ANKHD1: variants seen among roughly 807,000 people sequenced by gnomAD.
The protein encoded by ANKHD1 is ankyrin repeat and KH domain containing 1.
Under a neutral mutation model 230.5 loss-of-function variants are expected in ANKHD1, and 31 were observed. The observed-to-expected ratio is 0.13, with a 90% CI of 0.10 to 0.18. The LOEUF (loss-of-function observed/expected upper bound fraction) is 0.18. Among genes scored for constraint, ANKHD1 ranks in the 10% least tolerant of loss-of-function variants. The pLI, the probability that ANKHD1 is intolerant of heterozygous loss-of-function variation, is 1.00. For missense variants in ANKHD1, 2,256 were observed against 3,071.3 expected (o/e 0.73, Z 6.27); for synonymous variants, 1,074 against 1,117.6 (o/e 0.96, Z 0.78).
Position 140,443,454 on chromosome 5 carries a change from G to A in ANKHD1, c.914-2288G>A, listed in dbSNP as rs527556744. Among the ~76,000 whole-genome samples the A allele has an allele frequency of 5.4e-3, 816 of 151,940 alleles. 5 individuals are homozygous for A. Among genetic ancestry groups the A allele is most frequent in the African/African-American group, 0.019 (775 of 41,500 alleles). On this transcript the variant is annotated intron_variant, in intron 5 of 33. Transcript: ENST00000360839. ...GCCTGTAATCCCAGCACTTTGGGAG[G>A]CTGAGGTGGGAGGATCACGAGGTCA...
At chr5:140,491,156 ATATAT>A (rs1751775286) in intron 14 of ANKHD1, among the ~76,000 whole-genome samples, 3 of 94,916 alleles carry the variant, frequency 3.2e-5, no homozygotes, top group African/African-American at 1.3e-4. Context: ...ATATATATAT[ATATAT>A]TTTTTTTTTT....
At position 140,402,174 on chromosome 5, in the gene ANKHD1, C is replaced by T. The variant is rs774918744; in HGVS notation, c.207C>T (p.Gly69=). ...SGGGGSGSGT[G]GGDAALDFKL... The stretch of plus-strand genomic sequence containing the variant: ...GCGGCGGCAGCGGCAGCGGTACGGG[C>T]GGAGGGGACGCGGCGCTGGATTTCA... Residue 69 remains glycine (G), a synonymous_variant, in exon 1 of 34, where the codon GGC becomes GGT. Coordinates refer to ENST00000360839, the MANE Select transcript of ANKHD1 (RefSeq NM_017747.3). The T allele has an allele frequency of 2.6e-5, 39 of 1,524,712 alleles. No individual in the cohort carries two copies. Among genetic ancestry groups the T allele is most frequent in the African/African-American group, 1.4e-5 (1 of 71,084 alleles). The allele number at this position is 1,524,712 out of a possible 1,614,324, so 94.4% of individuals were successfully genotyped here.
At chr5:140,407,511 CCTA>C (rs1293262034) in intron 1 of ANKHD1, among the ~76,000 whole-genome samples, 2 of 151,386 alleles carry the variant, frequency 1.3e-5, no homozygotes, top group Non-Finnish European at 2.9e-5. Context: ...CTCAAGCAAT[CCTA>C]CTGCCTCAGC....
At chr5:140,433,453 T>C (rs1250834287) in intron 1 of ANKHD1, among the ~76,000 whole-genome samples, 2 of 152,230 alleles carry the variant, frequency 1.3e-5, no homozygotes, top group Non-Finnish European at 2.9e-5. Flanking sequence ...TAACTACCTA[T>C]TGAAATTCTG....
At chr5:140,533,489 C>T (rs982517412) in intron 29 of ANKHD1, among the ~76,000 whole-genome samples, 4 of 152,122 alleles carry the variant, frequency 2.6e-5, no homozygotes, top group East Asian at 1.9e-4. Context: ...GTCGCAGCTA[C>T]TTGGGAGGCT....
At position 140,505,742 on chromosome 5, in the gene ANKHD1, TG is replaced by T; in HGVS notation, c.3283del (p.Ala1095GlnfsTer20). 1 of 1,605,150 alleles carries T rather than the reference TG, an allele frequency of 6.2e-7. No individual in the cohort carries two copies. Among genetic ancestry groups the T allele is most frequent in the Non-Finnish European group, 8.5e-7 (1 of 1,177,856 alleles). On this transcript the variant is annotated frameshift_variant, in exon 18 of 34. Coordinates refer to ENST00000360839, the MANE Select transcript of ANKHD1 (RefSeq NM_017747.3). LOFTEE classifies it high-confidence loss of function. ...GATTTAGGTTTCACACCACTAATCC[TG>T]GCAGCAACAGCAGGGCATGTTGGAG... Reference protein sequence around the residue: ...RDKKGFTPLILAATAGHVGVV... With the variant: ...RDKKGFTPLIXAATAGHVGVV...
intron 24 of ANKHD1, among the ~76,000 whole-genome samples, chr5:140,520,824 A>G (rs1753312670): frequency 6.7e-6 from 1 of 150,136 alleles, no homozygotes; most frequent in Non-Finnish European, 1.5e-5. Context: ...AGATATACCT[A>G]ATGCTAGATG....
At chr5:140,405,023 T>G in intron 1 of ANKHD1, among the ~76,000 whole-genome samples, 1 of 147,724 alleles carries the variant, frequency 6.8e-6, no homozygotes, top group African/African-American at 2.5e-5. Flanking sequence ...GTATGTGTAA[T>G]GGTCTTTGGA....
Position 140,528,711 on chromosome 5 carries a change from C to T in ANKHD1, c.5765C>T (p.Pro1922Leu), listed in dbSNP as rs1265454074. ...CCTAACCAGAACGGGACTGTTTTAC[C>T]CTCAGAGTCTGCTGGACTAGCTACT... Reference protein sequence around the residue: ...RLPNQNGTVLPSESAGLATAS... With the variant: ...RLPNQNGTVLLSESAGLATAS... The change falls in exon 29 of 34, where the codon CCC becomes CTC. Residue 1922 changes from proline (P) to leucine (L), a missense_variant. Around this residue, in one of 13 missense-constraint regions of ANKHD1, gnomAD observed 778 missense variants for 966.5 expected, o/e 0.80. Transcript: ENST00000360839. 6.2e-7 allele frequency: 1 copy of T among 1,614,042 alleles called. No individual in the cohort carries two copies. The highest frequency in any genetic ancestry group is 8.5e-7 in the Non-Finnish European group (1 of 1,180,036).
chr5:140,528,578 G>A lies in ANKHD1; in HGVS notation c.5632G>A (p.Gly1878Arg). Residue 1878 changes from glycine (G) to arginine (R), a missense_variant, in exon 29 of 34, where the codon GGA becomes AGA. Around this residue, in one of 13 missense-constraint regions of ANKHD1, gnomAD observed 778 missense variants for 966.5 expected, o/e 0.80. Coordinates refer to ENST00000360839, the MANE Select transcript of ANKHD1 (RefSeq NM_017747.3). ...RHPRLPMAQFGGTFSPSPNTW... is the reference protein window; with the variant it reads ...RHPRLPMAQFRGTFSPSPNTW... ...TCCTCGCTTACCCATGGCCCAGTTTGGAGGAACCTTCTCACCTTCTCCTAA... is the reference window on the plus strand; with the variant it reads ...TCCTCGCTTACCCATGGCCCAGTTTAGAGGAACCTTCTCACCTTCTCCTAA... 6.2e-7 allele frequency: 1 copy of A among 1,614,148 alleles called. No homozygotes were observed. The highest frequency in any genetic ancestry group is 8.5e-7 in the Non-Finnish European group (1 of 1,180,032).
At chr5:140,500,648 C>CAA (rs376975917) in intron 15 of ANKHD1, among the ~76,000 whole-genome samples, 13 of 78,594 alleles carry the variant, frequency 1.7e-4, no homozygotes, top group Admixed American at 7.1e-4. Context: ...GACTCTGTCT[C>CAA]AAAAAAAAAA....
chr5:140,485,487 T>G lies in ANKHD1; in HGVS notation c.1999-102T>G. 2.7e-6 allele frequency: 4 copies of G among 1,462,144 alleles called. No individual in the cohort carries two copies. The South Asian group carries it at 4.2e-5, about 15-fold the overall frequency. The allele number at this position is 1,462,144 out of a possible 1,614,324, so 90.6% of individuals were successfully genotyped here. ...TATAGTTATAAAAATATGTTTGATC[T>G]ATCTTAGTGCTTAGTATTTAATACT... is the stretch of plus-strand genomic sequence containing the variant. On this transcript the variant is annotated intron_variant, in intron 12 of 33. Coordinates refer to ENST00000360839, the MANE Select transcript of ANKHD1 (RefSeq NM_017747.3). This position sits in a 1 kb window ranked among gnomAD's most constrained non-coding sequence, Gnocchi z 4.8.
chr5:140,511,742 C>T (rs546627414), intron 22 of ANKHD1, among the ~76,000 whole-genome samples: 3 of 152,250 alleles, frequency 2.0e-5, no homozygotes, highest in East Asian at 1.9e-4. Context: ...TTTTGATAAA[C>T]GTATACATAC....
Position 140,510,258 on chromosome 5 carries a change from C to T in ANKHD1, c.4104+77C>T. ...AACCATGTGAGAAAGATAAGTTTAT[C>T]TTGGAGAATTGAGTATATTTCCATA... On this transcript the variant is annotated intron_variant, in intron 22 of 33. Transcript: ENST00000360839. The T allele has an allele frequency of 2.9e-6, 4 of 1,375,716 alleles. No individual in the cohort carries two copies. In the South Asian group the frequency reaches 5.0e-5, roughly 17 times the overall value. The allele number at this position is 1,375,716 out of a possible 1,614,324, so 85.2% of individuals were successfully genotyped here. A position where few individuals can be genotyped will look rare whatever the true frequency, so the allele number is the denominator to read the frequency against.
intron 11 of ANKHD1, among the ~76,000 whole-genome samples, chr5:140,483,452 C>CTTTTTT (rs369245406): frequency 7.2e-5 from 8 of 110,608 alleles, no homozygotes; most frequent in Non-Finnish European, 1.1e-4. Flanking sequence ...AAGATTTTAT[C>CTTTTTT]TTTTTTTTTT....
intron 1 of ANKHD1, among the ~76,000 whole-genome samples, chr5:140,405,894 A>G (rs1770396168): frequency 1.3e-5 from 2 of 151,520 alleles, no homozygotes; most frequent in Admixed American, 1.3e-4. Context: ...TGGTCTCCCA[A>G]AGTGTTGGGA....
At chr5:140,402,922 T>C (rs1040236136) in intron 1 of ANKHD1, among the ~76,000 whole-genome samples, 1 of 151,460 alleles carries the variant, frequency 6.6e-6, no homozygotes, top group African/African-American at 2.4e-5. Context: ...AACTCGGAGG[T>C]TTTAGGCTTG....
chr5:140,427,185 C>T lies in ANKHD1; in HGVS notation c.307-8919C>T, dbSNP rs546923432. On this transcript the variant is annotated intron_variant, in intron 1 of 33. Coordinates refer to ENST00000360839, the MANE Select transcript of ANKHD1 (RefSeq NM_017747.3). ...CTCCCTCCCGGACGGGGCAGCTGGC[C>T]GGGCAGAGGGGCTCCTCACTTCCCA... 4.6e-3 allele frequency among the ~76,000 whole-genome samples: 693 copies of T among 149,316 alleles called. 6 individuals are homozygous for T. The highest frequency in any genetic ancestry group is 0.017 in the African/African-American group (675 of 40,466).
chr5:140,466,422 G>A (rs1487348304), intron 10 of ANKHD1, among the ~76,000 whole-genome samples: 1 of 151,340 alleles, frequency 6.6e-6, no homozygotes, highest in Non-Finnish European at 1.5e-5. Context: ...AAATTAAATA[G>A]GATAAAAGAG....
Sources: gnomAD v4.1 joint callset for allele counts (sites outside exome capture counted in the v4.1 genomes callset) on GRCh38, gnomAD v4.1.1 for gene constraint, gnomAD v4.1.1 regional missense constraint, Gnocchi (gnomAD v3.1) non-coding constraint, MANE v1.5 for transcripts, NCBI Gene and HGNC (gene_info 2026-07-23, HGNC 2026-07-21) for gene names.